The following SCYL2 variants were observed in gnomAD, a reference collection of about 807,000 sequenced individuals.
SCYL2 encodes SCY1-like protein 2.
In SCYL2, 36 loss-of-function variants were observed where a neutral mutation model predicts 100.4. That is an observed-to-expected ratio of 0.36 (90% confidence interval 0.27 to 0.47). The LOEUF is 0.47. Among genes scored for constraint, SCYL2 ranks in the 20% least tolerant of loss-of-function variants. The pLI, the probability that SCYL2 is intolerant of heterozygous loss-of-function variation, is 1.00. For synonymous variants in SCYL2, 330 were observed against 359.2 expected (o/e 0.92, Z 0.92); for missense variants, 902 against 1,083.9 (o/e 0.83, Z 2.36).
At chr12:100,321,056 C>G (rs1442264759) in intron 10 of SCYL2, among the ~76,000 whole-genome samples, 1 of 152,182 alleles carries the variant, frequency 6.6e-6, no homozygotes, top group Non-Finnish European at 1.5e-5. Flanking sequence ...CTCCCTCAGC[C>G]TCCATAGTAG....
Position 100,298,880 on chromosome 12 carries a change from C to T in SCYL2, c.480+705C>T, listed in dbSNP as rs535357272. Among the ~76,000 whole-genome samples, 5 of 152,318 alleles carry T rather than the reference C, an allele frequency of 3.3e-5. No homozygotes were observed. In the South Asian group the frequency reaches 1.0e-3, roughly 32 times the overall value. On this transcript the variant is annotated intron_variant, in intron 4 of 17. Transcript: ENST00000360820. ...TACAAGAGTGAGCCACCACGCCTGG[C>T]TAGCCTTTTCATATATGCTCATTTT...
intron 2 of SCYL2, among the ~76,000 whole-genome samples, chr12:100,286,884 C>G (rs1415078969): frequency 6.6e-6 from 1 of 152,034 alleles, no homozygotes; most frequent in Non-Finnish European, 1.5e-5. Flanking sequence ...AAAAGATGAT[C>G]ATAGACTAGT....
intron 2 of SCYL2, among the ~76,000 whole-genome samples, chr12:100,283,562 G>A (rs1302039650): frequency 6.6e-6 from 1 of 152,104 alleles, no homozygotes; most frequent in Non-Finnish European, 1.5e-5. Flanking sequence ...GCGTCTTAGT[G>A]CAGTCAGTGC....
intron 1 of SCYL2, among the ~76,000 whole-genome samples, chr12:100,281,700 A>G (rs1025637540): frequency 3.9e-5 from 6 of 151,938 alleles, no homozygotes; most frequent in African/African-American, 1.2e-4. Context: ...CGGGCGTGGT[A>G]GCGGGCGCCT....
intron 1 of SCYL2, among the ~76,000 whole-genome samples, chr12:100,271,281 A>AAAAAAAAAAAG (rs869276181): frequency 3.1e-5 from 4 of 128,906 alleles, no homozygotes; most frequent in African/African-American, 1.1e-4. Context: ...AAAAAAAAAA[A>AAAAAAAAAAAG]AGAGAGAGAG....
intron 7 of SCYL2, 135 bp downstream of exon 7, chr12:100,313,673 C>G (rs2096344984): frequency 1.7e-6 from 1 of 578,954 alleles, no homozygotes; most frequent in East Asian, 2.9e-5. Flanking sequence ...AAGCAACAGT[C>G]AGATACAGCC....
chr12:100,330,830 C>CTTTT (rs71088179), intron 13 of SCYL2, among the ~76,000 whole-genome samples: 1 of 134,106 alleles, frequency 7.5e-6, no homozygotes, highest in Non-Finnish European at 1.6e-5. Context: ...AATTTTTTTT[C>CTTTT]TTTTTTTTTT....
chr12:100,339,033 C>G lies in SCYL2; in HGVS notation c.2651C>G (p.Thr884Arg). ...SPTMGSSVMGTQMNVIGQSAF... is the reference protein window; with the variant it reads ...SPTMGSSVMGRQMNVIGQSAF... ...ACTATGGGCAGTTCAGTAATGGGGA[C>G]ACAGATGAACGTGATAGGACAATCT... The change falls in exon 18 of 18, where the codon ACA becomes AGA. Residue 884 changes from threonine (T) to arginine (R), a missense_variant. Coordinates refer to ENST00000360820, the MANE Select transcript of SCYL2 (RefSeq NM_017988.6). 6.2e-7 allele frequency: 1 copy of G among 1,614,136 alleles called. No homozygotes were observed. Among genetic ancestry groups the G allele is most frequent in the Non-Finnish European group, 8.5e-7 (1 of 1,179,970 alleles).
chr12:100,326,057 T>C (rs992119057), intron 11 of SCYL2, among the ~76,000 whole-genome samples: 9 of 152,178 alleles, frequency 5.9e-5, no homozygotes, highest in African/African-American at 2.2e-4. Flanking sequence ...CAAATAGAAG[T>C]AGGGTATGAT....
rs150425463 is a variant in SCYL2, at chr12:100,268,396, G to A, written c.-29+604G>A. ...TTGAAGATTCCTTTTGGACTTTGCA[G>A]GTTTGTTGTTGTTTGGTTTGCTGTC... On this transcript the variant is annotated intron_variant, in intron 1 of 17. Transcript: ENST00000360820. Among the ~76,000 whole-genome samples the A allele has an allele frequency of 2.4e-4, 37 of 152,236 alleles. 1 individual carries two copies. The highest frequency in any genetic ancestry group is 8.4e-4 in the African/African-American group (35 of 41,546).
intron 5 of SCYL2, among the ~76,000 whole-genome samples, chr12:100,311,433 G>T (rs1592954301): frequency 6.8e-6 from 1 of 147,138 alleles, no homozygotes; most frequent in Non-Finnish European, 1.5e-5. Flanking sequence ...ATTAAATAGG[G>T]TTTTTTTTTT....
At chr12:100,270,885 T>TACCCAA (rs2096286910) in intron 1 of SCYL2, among the ~76,000 whole-genome samples, 1 of 152,098 alleles carries the variant, frequency 6.6e-6, no homozygotes, top group African/African-American at 2.4e-5. Flanking sequence ...CATGGTGCTT[T>TACCCAA]TCATCTAGTA....
intron 3 of SCYL2, among the ~76,000 whole-genome samples, chr12:100,296,070 G>A (rs1325647624): frequency 2.0e-5 from 3 of 152,196 alleles, no homozygotes; most frequent in Non-Finnish European, 4.4e-5. Flanking sequence ...AGGACTATCA[G>A]TTATACTTTT....
At position 100,335,898 on chromosome 12, in the gene SCYL2, C is replaced by A. The variant is rs761699846; in HGVS notation, c.2017C>A (p.His673Asn). Residue 673 changes from histidine to asparagine, a missense_variant, in exon 16 of 18, where the codon CAT (histidine) becomes AAT (asparagine). His to Asn is a moderately conservative substitution (Grantham distance 68). Coordinates refer to ENST00000360820, the MANE Select transcript of SCYL2 (RefSeq NM_017988.6). ...ENKEDGLQNK[H>N]KRASLTLEEK... Reference sequence around the variant, plus strand: ...TAAAGAGGACGGGTTACAGAATAAACATAAAAGAGTGAGTTTCCTTACTGT... The same window carrying A: ...TAAAGAGGACGGGTTACAGAATAAAAATAAAAGAGTGAGTTTCCTTACTGT... 6.2e-7 allele frequency: 1 copy of A among 1,610,722 alleles called. No individual in the cohort carries two copies. Among genetic ancestry groups the A allele is most frequent in the Admixed American group, 1.7e-5 (1 of 59,938 alleles).
intron 4 of SCYL2, among the ~76,000 whole-genome samples, chr12:100,308,702 A>G (rs2096337932): frequency 1.3e-5 from 2 of 152,178 alleles, no homozygotes; most frequent in Non-Finnish European, 2.9e-5. Context: ...AGTGCCTTTC[A>G]AGTTTATCTA....
At chr12:100,300,146 A>C (rs1043783113) in intron 4 of SCYL2, among the ~76,000 whole-genome samples, 1 of 152,200 alleles carries the variant, frequency 6.6e-6, no homozygotes, top group African/African-American at 2.4e-5. Context: ...CTTCTTTGCC[A>C]TCTGAATATC....
Position 100,317,854 on chromosome 12 carries a change from C to T in SCYL2, c.1324C>T (p.Pro442Ser). The stretch of plus-strand genomic sequence containing the variant: ...GGATTTGCTACTAACCAAAACCCCT[C>T]CTGATGAGATAAAGAACAGTGTTCT... ...KMDLLLTKTPPDEIKNSVLPM... is the reference protein window; with the variant it reads ...KMDLLLTKTPSDEIKNSVLPM... The change falls in exon 10 of 18, where the codon CCT becomes TCT. Residue 442 changes from proline to serine, a missense_variant. Pro to Ser is a moderately conservative substitution (Grantham distance 74). Transcript: ENST00000360820. 1 of 1,609,118 alleles carries T rather than the reference C, an allele frequency of 6.2e-7. No individual in the cohort carries two copies.
At chr12:100,273,488 C>G (rs1223768983) in intron 1 of SCYL2, among the ~76,000 whole-genome samples, 1 of 152,140 alleles carries the variant, frequency 6.6e-6, no homozygotes, top group Non-Finnish European at 1.5e-5. Flanking sequence ...CCCAGTTTCT[C>G]ATATGGTATC....
chr12:100,285,042 A>G (rs192424193), intron 2 of SCYL2, among the ~76,000 whole-genome samples: 1 of 152,322 alleles, frequency 6.6e-6, no homozygotes, highest in African/African-American at 2.4e-5. Flanking sequence ...TTTAAAATAT[A>G]AACTTATTTT....
Sources: allele counts gnomAD v4.1 joint callset (sites outside exome capture counted in the v4.1 genomes callset), GRCh38; gene constraint gnomAD v4.1.1; transcripts MANE v1.5; gene names NCBI Gene and HGNC (gene_info 2026-07-23, HGNC 2026-07-21).